The following PXDNL variants were observed in gnomAD, a reference collection of about 807,000 sequenced individuals.
PXDNL encodes probable oxidoreductase PXDNL.
PXDNL carries 145 observed loss-of-function variants against 150.8 expected under a neutral mutation model. That is an observed-to-expected ratio of 0.96 (90% CI 0.84 to 1.10). PXDNL has a LOEUF of 1.10. PXDNL is among the 50% of genes least tolerant of loss of function. The pLI is 0.00. For missense variants in PXDNL, 2,087 were observed against 1,873.9 expected (o/e 1.11, Z -2.10); for synonymous variants, 757 against 725.7 (o/e 1.04, Z -0.69).
intron 4 of PXDNL, among the ~76,000 whole-genome samples, chr8:51,502,035 A>C (rs1215414555): frequency 6.6e-6 from 1 of 152,246 alleles, no homozygotes; most frequent in Non-Finnish European, 1.5e-5. Context: ...GACTAGGAAT[A>C]AGTGCTGATG....
chr8:51,397,668 T>C (rs1307705470), intron 17 of PXDNL, among the ~76,000 whole-genome samples: 1 of 152,054 alleles, frequency 6.6e-6, no homozygotes, highest in Non-Finnish European at 1.5e-5. Flanking sequence ...GGGGTAACAA[T>C]ATTAGGTGCC....
At chr8:51,380,540 C>T (rs1807499495) in intron 17 of PXDNL, among the ~76,000 whole-genome samples, 1 of 152,198 alleles carries the variant, frequency 6.6e-6, no homozygotes, top group Admixed American at 6.5e-5. Context: ...GACTTCTTTA[C>T]CTTTTCTTCT....
intron 19 of PXDNL, among the ~76,000 whole-genome samples, chr8:51,368,622 T>G (rs1586041118): frequency 6.6e-6 from 1 of 152,262 alleles, no homozygotes; most frequent in East Asian, 1.9e-4. Flanking sequence ...TCTAACAAAA[T>G]GAACCACTAG....
intron 20 of PXDNL, among the ~76,000 whole-genome samples, chr8:51,344,632 G>A (rs1275176812): frequency 6.6e-6 from 1 of 152,184 alleles, no homozygotes; most frequent in Admixed American, 6.5e-5. Flanking sequence ...CTTTCGTTAA[G>A]TGAGTTAATA....
At chr8:51,711,592 G>T (rs1360477981) in intron 1 of PXDNL, among the ~76,000 whole-genome samples, 2 of 152,188 alleles carry the variant, frequency 1.3e-5, no homozygotes, top group Non-Finnish European at 2.9e-5. Context: ...ACATGGTTGG[G>T]AACCAGAGAG....
chr8:51,621,884 C>T (rs1814263277), intron 2 of PXDNL, among the ~76,000 whole-genome samples: 1 of 145,938 alleles, frequency 6.9e-6, no homozygotes, highest in Non-Finnish European at 1.5e-5. Flanking sequence ...GGTTGAGTTG[C>T]AGTGACCCAA....
chr8:51,538,109 C>CGGTGAAATTGCAATGCCCAAAACT (rs1380548826), intron 4 of PXDNL, among the ~76,000 whole-genome samples: 7 of 152,274 alleles, frequency 4.6e-5, no homozygotes, highest in Admixed American at 3.9e-4. Flanking sequence ...GCAGGGAATA[C>CGGTGAAATTGCAATGCCCAAAACT]GGTGAAATTG....
At position 51,597,029 on chromosome 8, in the gene PXDNL, G is replaced by C. The variant is rs145696515; in HGVS notation, c.237-4331C>G. ...CGTAGGTTTTCTTCTAGAATTCTTA[G>C]AGTCTGACGTCTTAGATTCAAATAT... On this transcript the variant is annotated intron_variant, in intron 2 of 22. Coordinates refer to ENST00000356297, the MANE Select transcript of PXDNL (RefSeq NM_144651.5). 7.2e-4 allele frequency among the ~76,000 whole-genome samples: 110 copies of C among 152,260 alleles called. 1 individual carries two copies. The highest frequency in any genetic ancestry group is 2.6e-3 in the African/African-American group (107 of 41,552).
chr8:51,763,501 G>T lies in PXDNL; in HGVS notation c.164+45680C>A, dbSNP rs1038161433. Among the ~76,000 whole-genome samples the T allele has an allele frequency of 3.3e-5, 5 of 151,960 alleles. 1 individual carries two copies. Among genetic ancestry groups the T allele is most frequent in the Admixed American group, 3.3e-4 (5 of 15,250 alleles). On this transcript the variant is annotated intron_variant, in intron 1 of 22. Transcript: ENST00000356297. ...CAGGTCACCCTAAGGGAAGAATCAA[G>T]GAAAAAGGGACGCAGGACCCCAGAA...
intron 1 of PXDNL, among the ~76,000 whole-genome samples, chr8:51,720,309 C>T (rs1816703967): frequency 6.6e-6 from 1 of 150,902 alleles, no homozygotes; most frequent in African/African-American, 2.4e-5. Context: ...TTTTTTAAAG[C>T]TATGTTTAAT....
intron 17 of PXDNL, among the ~76,000 whole-genome samples, chr8:51,379,454 C>T (rs541924395): frequency 1.2e-4 from 19 of 152,096 alleles, no homozygotes; most frequent in Non-Finnish European, 1.5e-4. Context: ...ATATCTTCTA[C>T]GTGTTGATTG....
intron 17 of PXDNL, among the ~76,000 whole-genome samples, chr8:51,379,900 G>T (rs1037366497): frequency 1.4e-4 from 22 of 152,074 alleles, no homozygotes; most frequent in African/African-American, 5.3e-4. Context: ...ACCACTTACT[G>T]AATATGTCCT....
intron 5 of PXDNL, among the ~76,000 whole-genome samples, chr8:51,491,395 C>T (rs1018790388): frequency 6.6e-5 from 10 of 152,142 alleles, no homozygotes; most frequent in African/African-American, 1.2e-4. Context: ...GGTCCAGGCT[C>T]GAGTTTTCTT....
chr8:51,720,968 C>A (rs971706978), intron 1 of PXDNL, among the ~76,000 whole-genome samples: 1 of 152,230 alleles, frequency 6.6e-6, no homozygotes, highest in Non-Finnish European at 1.5e-5. Context: ...CCTCCCAAAG[C>A]TGTCCCACCA....
At chr8:51,562,787 T>A (rs150778883) in intron 3 of PXDNL, among the ~76,000 whole-genome samples, 2 of 151,894 alleles carry the variant, frequency 1.3e-5, no homozygotes, top group Non-Finnish European at 2.9e-5. Context: ...CATGGGACCA[T>A]AGAGGTGCTG....
chr8:51,548,384 A>G (rs975548458), intron 4 of PXDNL, among the ~76,000 whole-genome samples: 1 of 152,184 alleles, frequency 6.6e-6, no homozygotes, highest in African/African-American at 2.4e-5. Flanking sequence ...CTAGCCACAT[A>G]GTTATCATGT....
intron 4 of PXDNL, among the ~76,000 whole-genome samples, chr8:51,537,762 C>T (rs115840306): frequency 0.019 from 2,838 of 152,214 alleles, 38 homozygotes; most frequent in African/African-American, 0.035. Context: ...TTACATCATA[C>T]GGGTTTTATC....
chr8:51,539,623 T>A (rs1335315696), intron 4 of PXDNL, among the ~76,000 whole-genome samples: 5 of 152,164 alleles, frequency 3.3e-5, no homozygotes. Context: ...AGCTTTAACT[T>A]CAAATATGAT....
At chr8:51,526,122 ATG>A (rs1325694242) in intron 4 of PXDNL, among the ~76,000 whole-genome samples, 2 of 152,092 alleles carry the variant, frequency 1.3e-5, no homozygotes, top group African/African-American at 2.4e-5. Flanking sequence ...AATGTTCCCA[ATG>A]TGTGTGTGTC....
Sources: gnomAD v4.1 joint callset for allele counts (sites outside exome capture counted in the v4.1 genomes callset) on GRCh38, gnomAD v4.1.1 for gene constraint, MANE v1.5 for transcripts, NCBI Gene and HGNC (gene_info 2026-07-23, HGNC 2026-07-21) for gene names.